KIAA0825: variants seen among roughly 807,000 people sequenced by gnomAD.
KIAA0825 encodes uncharacterized protein KIAA0825.
KIAA0825 carries 119 observed loss-of-function variants against 147.6 expected under a neutral mutation model. The observed-to-expected ratio is 0.81, with a 90% CI of 0.69 to 0.94. The LOEUF (loss-of-function observed/expected upper bound fraction) is 0.94. KIAA0825 is among the 40% of genes least tolerant of loss of function. The probability of loss-of-function intolerance (pLI) is 0.00; values close to 1 mark genes in which losing one functional copy is unlikely to be tolerated. For missense variants in KIAA0825, 1,381 were observed against 1,472.7 expected (o/e 0.94, Z 1.02); for synonymous variants, 470 against 518.1 (o/e 0.91, Z 1.26).
intron 5 of KIAA0825, among the ~76,000 whole-genome samples, chr5:94,507,199 C>T (rs1243731101): frequency 6.6e-6 from 1 of 152,102 alleles, no homozygotes; most frequent in African/African-American, 2.4e-5. Context: ...CCTGTAATCC[C>T]AGCACTTTGG....
chr5:94,528,016 A>G (rs769276633), intron 3 of KIAA0825, among the ~76,000 whole-genome samples: 8 of 152,176 alleles, frequency 5.3e-5, no homozygotes, highest in African/African-American at 1.9e-4. Context: ...AGAATAGTTA[A>G]AAAGTTAAAA....
chr5:94,164,285 T>C (rs926684469), intron 20 of KIAA0825, among the ~76,000 whole-genome samples: 2 of 152,180 alleles, frequency 1.3e-5, no homozygotes, highest in Non-Finnish European at 2.9e-5. Context: ...AGGAATCATA[T>C]TATCTGACTT....
At chr5:94,458,266 C>T (rs2150936393) in intron 12 of KIAA0825, among the ~76,000 whole-genome samples, 1 of 152,174 alleles carries the variant, frequency 6.6e-6, no homozygotes, top group Non-Finnish European at 1.5e-5. Context: ...TTGAGGTTAG[C>T]AAATGATAAT....
intron 20 of KIAA0825, among the ~76,000 whole-genome samples, chr5:94,280,737 T>C (rs1427536351): frequency 6.6e-6 from 1 of 152,084 alleles, no homozygotes; most frequent in Non-Finnish European, 1.5e-5. Context: ...GGGTTCTTTA[T>C]GTGCCAAAAT....
chr5:94,339,418 C>T (rs1782133820), intron 20 of KIAA0825, among the ~76,000 whole-genome samples: 1 of 152,094 alleles, frequency 6.6e-6, no homozygotes, highest in Admixed American at 6.5e-5. Context: ...GAAGCTTTTT[C>T]TCATTGACTT....
intron 20 of KIAA0825, among the ~76,000 whole-genome samples, chr5:94,308,422 C>T (rs978487137): frequency 2.6e-5 from 4 of 151,806 alleles, no homozygotes; most frequent in African/African-American, 7.2e-5. Context: ...CAAGCAGCCA[C>T]TCAGTTACTG....
chr5:94,262,247 T>A (rs1776530821), intron 20 of KIAA0825, among the ~76,000 whole-genome samples: 1 of 152,100 alleles, frequency 6.6e-6, no homozygotes, highest in Non-Finnish European at 1.5e-5. Context: ...TAGATATTTT[T>A]AACCTATCAA....
At chr5:94,201,659 G>C (rs906723726) in intron 20 of KIAA0825, among the ~76,000 whole-genome samples, 7 of 150,716 alleles carry the variant, frequency 4.6e-5, no homozygotes, top group Admixed American at 4.6e-4. Context: ...ATGTTACCCA[G>C]TCTGGTCTTG....
chr5:94,411,152 A>T (rs1200291235), intron 15 of KIAA0825, among the ~76,000 whole-genome samples: 2 of 152,194 alleles, frequency 1.3e-5, no homozygotes, highest in Non-Finnish European at 2.9e-5. Context: ...ATTAAAAAGT[A>T]AACTGTGATG....
chr5:94,409,802 A>C (rs905318338), intron 15 of KIAA0825, among the ~76,000 whole-genome samples: 3 of 152,236 alleles, frequency 2.0e-5, no homozygotes, highest in Admixed American at 1.3e-4. Flanking sequence ...ACTACTTTAG[A>C]TCTGCCCTAA....
chr5:94,408,650 G>T (rs1029500621), intron 15 of KIAA0825, among the ~76,000 whole-genome samples: 5 of 152,092 alleles, frequency 3.3e-5, no homozygotes, highest in Admixed American at 3.3e-4. Context: ...TGGGATTACA[G>T]GCATGAGCCA....
At chr5:94,356,486 C>T (rs1392831516) in intron 20 of KIAA0825, among the ~76,000 whole-genome samples, 3 of 151,332 alleles carry the variant, frequency 2.0e-5, no homozygotes, top group African/African-American at 7.3e-5. Context: ...GTCGCGGGCG[C>T]CTGTAGTCCC....
At chr5:94,386,612 T>C (rs931284548) in intron 18 of KIAA0825, among the ~76,000 whole-genome samples, 1 of 152,194 alleles carries the variant, frequency 6.6e-6, no homozygotes, top group South Asian at 2.1e-4. Flanking sequence ...GTTTACCTAA[T>C]ATTTAGTATA....
chr5:94,395,466 G>C (rs1213033841), intron 17 of KIAA0825, among the ~76,000 whole-genome samples: 1 of 152,076 alleles, frequency 6.6e-6, no homozygotes, highest in Non-Finnish European at 1.5e-5. Context: ...AAAGACAGGA[G>C]GACTCTATGT....
At chr5:94,353,905 TTA>T (rs1279453160) in intron 20 of KIAA0825, among the ~76,000 whole-genome samples, 1 of 152,204 alleles carries the variant, frequency 6.6e-6, no homozygotes, top group East Asian at 1.9e-4. Context: ...ACCTTTATCA[TTA>T]TATTATTATT....
chr5:94,208,680 G>T (rs1418261399), intron 20 of KIAA0825, among the ~76,000 whole-genome samples: 1 of 152,212 alleles, frequency 6.6e-6, no homozygotes, highest in African/African-American at 2.4e-5. Flanking sequence ...GGATGGGAAA[G>T]ATGGAGCTGG....
rs191991081 is a variant in KIAA0825 at position 94,501,961 on chromosome 5, A to G, written c.971-17031T>C. On this transcript the variant is annotated intron_variant, in intron 5 of 20. Transcript: ENST00000682413. ...CATATGTCATAGTTTGCAGCCTGTA[A>G]AAAGAATAATGCAGATCATTCTATA... Among the ~76,000 whole-genome samples, 697 of 152,304 alleles carry G rather than the reference A, an allele frequency of 4.6e-3. 5 individuals are homozygous for G. The highest frequency in any genetic ancestry group is 0.016 in the African/African-American group (663 of 41,566).
chr5:94,391,296 G>C (rs1749860199), intron 18 of KIAA0825, among the ~76,000 whole-genome samples: 1 of 152,082 alleles, frequency 6.6e-6, no homozygotes, highest in Non-Finnish European at 1.5e-5. Context: ...ACTGAACTGA[G>C]TTTATGAGCC....
intron 20 of KIAA0825, among the ~76,000 whole-genome samples, chr5:94,304,723 G>T (rs1778618142): frequency 6.6e-6 from 1 of 151,908 alleles, no homozygotes; most frequent in Non-Finnish European, 1.5e-5. Context: ...TAAAAAATAA[G>T]TATATTTGAA....
Sources: gnomAD v4.1 joint callset for allele counts (sites outside exome capture counted in the v4.1 genomes callset) on GRCh38, gnomAD v4.1.1 for gene constraint, MANE v1.5 for transcripts, NCBI Gene and HGNC (gene_info 2026-07-23, HGNC 2026-07-21) for gene names.